The following TEAD1 variants were observed in gnomAD, a reference collection of about 807,000 sequenced individuals.
TEAD1 encodes transcriptional enhancer factor TEF-1.
A neutral mutation model predicts 54.9 loss-of-function variants in TEAD1; 9 were observed. The observed-to-expected ratio is 0.16, with a 90% CI of 0.10 to 0.29. The LOEUF (loss-of-function observed/expected upper bound fraction) is 0.29. Ranked by LOEUF, TEAD1 falls within the 10% of genes least tolerant of loss-of-function variation. TEAD1 has a pLI of 1.00. For synonymous variants in TEAD1, 200 were observed against 187.8 expected (o/e 1.07, Z -0.53); for missense variants, 387 against 535.9 (o/e 0.72, Z 2.74).
At chr11:12,910,465 C>T (rs1220789682) in intron 10 of TEAD1, among the ~76,000 whole-genome samples, 1 of 151,984 alleles carries the variant, frequency 6.6e-6, no homozygotes, top group Non-Finnish European at 1.5e-5. Context: ...ATAATTAGTA[C>T]AGTAAAGGCT....
chr11:12,882,726 C>A (rs749386457), intron 8 of TEAD1, among the ~76,000 whole-genome samples: 34 of 152,190 alleles, frequency 2.2e-4, no homozygotes, highest in Admixed American at 3.9e-4. Flanking sequence ...CCCAAGTAGA[C>A]CCCTTGGTGC....
chr11:12,704,192 T>A (rs1209799022), intron 2 of TEAD1, among the ~76,000 whole-genome samples: 2 of 152,232 alleles, frequency 1.3e-5, no homozygotes, highest in Admixed American at 1.3e-4. Context: ...GACGAATGTA[T>A]TAGACAAGCC....
At chr11:12,895,644 T>C (rs1948300879) in intron 9 of TEAD1, among the ~76,000 whole-genome samples, 1 of 152,218 alleles carries the variant, frequency 6.6e-6, no homozygotes, top group Admixed American at 6.5e-5. Flanking sequence ...TTCAAGATAG[T>C]TTTTGATTGG....
chr11:12,931,658 G>A (rs959871108), intron 12 of TEAD1, among the ~76,000 whole-genome samples: 1 of 152,046 alleles, frequency 6.6e-6, no homozygotes, highest in Non-Finnish European at 1.5e-5. Flanking sequence ...TTTCTGTGGT[G>A]TAAATATGCC....
intron 9 of TEAD1, among the ~76,000 whole-genome samples, chr11:12,891,959 G>A (rs1388282739): frequency 5.9e-5 from 9 of 152,168 alleles, no homozygotes; most frequent in Admixed American, 5.2e-4. Context: ...ATTCCAAGGG[G>A]CTGGACCTCC....
intron 9 of TEAD1, among the ~76,000 whole-genome samples, chr11:12,888,708 T>C (rs1464365965): frequency 1.3e-5 from 2 of 152,162 alleles, no homozygotes; most frequent in African/African-American, 4.8e-5. Context: ...TGGCCAACAT[T>C]TACTAAATAT....
chr11:12,873,729 C>G (rs370221943), intron 5 of TEAD1, among the ~76,000 whole-genome samples: 1 of 152,170 alleles, frequency 6.6e-6, no homozygotes, highest in African/African-American at 2.4e-5. Context: ...ATCAAGTGCC[C>G]TCCATCCTTT....
rs1031843367 is a variant in TEAD1, at chr11:12,940,710, T to C, written c.*3488T>C. On this transcript the variant is annotated 3_prime_UTR_variant, in exon 13 of 13. Coordinates refer to ENST00000527636, the MANE Select transcript of TEAD1 (RefSeq NM_021961.6). Reference sequence around the variant, plus strand: ...ATTTGACCTTCATCCCTTAGTTTACTGGCGTTAAAAAAAGTCTCAGCAATT... The same window carrying C: ...ATTTGACCTTCATCCCTTAGTTTACCGGCGTTAAAAAAAGTCTCAGCAATT... 6.6e-6 allele frequency: 1 copy of C among 152,228 alleles called. No homozygotes were observed. Among genetic ancestry groups the C allele is most frequent in the African/African-American group, 2.4e-5 (1 of 41,462 alleles). The allele number at this position is 152,228 out of a possible 1,614,324, so 9.4% of individuals were successfully genotyped here. A position where few individuals can be genotyped will look rare whatever the true frequency, so the allele number is the denominator to read the frequency against.
chr11:12,746,538 G>T (rs567500278), intron 2 of TEAD1, among the ~76,000 whole-genome samples: 9 of 152,362 alleles, frequency 5.9e-5, no homozygotes, highest in Admixed American at 4.6e-4. Context: ...GGTACTAAAT[G>T]AGGTACTGAA....
chr11:12,690,030 G>A (rs868818388), intron 2 of TEAD1, among the ~76,000 whole-genome samples: 3 of 151,956 alleles, frequency 2.0e-5, no homozygotes, highest in African/African-American at 7.3e-5. Flanking sequence ...CATGAGGTCA[G>A]GAGATCGAGA....
chr11:12,784,736 C>G lies in TEAD1; in HGVS notation c.202+20302C>G, dbSNP rs181921634. ...CCCTAGGGTGAGTTAATGGGTCAGC[C>G]CAGGATCCTAGTTCCTCCTTCCCTT... is the stretch of plus-strand genomic sequence containing the variant. On this transcript the variant is annotated intron_variant, in intron 3 of 12. Transcript: ENST00000527636. Among the ~76,000 whole-genome samples the G allele has an allele frequency of 3.0e-4, 46 of 152,264 alleles. No individual in the cohort carries two copies. The East Asian group carries it at 5.6e-3, about 19-fold the overall frequency.
At chr11:12,779,279 G>A (rs1945496513) in intron 3 of TEAD1, among the ~76,000 whole-genome samples, 1 of 152,150 alleles carries the variant, frequency 6.6e-6, no homozygotes, top group Non-Finnish European at 1.5e-5. Context: ...GTTCAGAAGG[G>A]TGTTGAGTTA....
chr11:12,694,813 C>A (rs1430402081), intron 2 of TEAD1, among the ~76,000 whole-genome samples: 2 of 152,296 alleles, frequency 1.3e-5, no homozygotes, highest in African/African-American at 2.4e-5. Context: ...CCTTCTCCCC[C>A]CTACTGTAGG....
At chr11:12,799,185 C>T (rs146870829) in intron 3 of TEAD1, among the ~76,000 whole-genome samples, 4 of 152,266 alleles carry the variant, frequency 2.6e-5, no homozygotes, top group East Asian at 1.9e-4. Flanking sequence ...AAGTTCCAGG[C>T]GTTTATCTCA....
chr11:12,921,914 GA>G (rs1201693599), intron 10 of TEAD1, among the ~76,000 whole-genome samples: 1 of 152,056 alleles, frequency 6.6e-6, no homozygotes, highest in Non-Finnish European at 1.5e-5. Flanking sequence ...TTGAATGTGA[GA>G]AAAATGCACA....
intron 2 of TEAD1, among the ~76,000 whole-genome samples, chr11:12,751,785 G>GAA (rs1944875362): frequency 1.3e-5 from 2 of 152,132 alleles, no homozygotes; most frequent in Non-Finnish European, 2.9e-5. Flanking sequence ...AAAGAATGGA[G>GAA]AAAAAGAAGA....
chr11:12,876,502 G>A (rs1744977120), intron 5 of TEAD1, among the ~76,000 whole-genome samples: 1 of 152,098 alleles, frequency 6.6e-6, no homozygotes, highest in Non-Finnish European at 1.5e-5. Context: ...GTCTGTGAGA[G>A]GATCCACGAT....
intron 9 of TEAD1, among the ~76,000 whole-genome samples, chr11:12,884,875 A>T (rs1461750169): frequency 6.6e-6 from 1 of 151,926 alleles, no homozygotes; most frequent in East Asian, 1.9e-4. Flanking sequence ...GCCCTGCGTG[A>T]CTCTGTCCTG....
chr11:12,745,101 G>T (rs764076823), intron 2 of TEAD1, among the ~76,000 whole-genome samples: 3 of 152,212 alleles, frequency 2.0e-5, no homozygotes, highest in Non-Finnish European at 4.4e-5. Context: ...ACACTGCTGG[G>T]GAAAGATGAG....
Sources: allele counts gnomAD v4.1 joint callset (sites outside exome capture counted in the v4.1 genomes callset), GRCh38; gene constraint gnomAD v4.1.1; transcripts MANE v1.5; gene names NCBI Gene and HGNC (gene_info 2026-07-23, HGNC 2026-07-21).